FREM1: variants seen among roughly 807,000 people sequenced by gnomAD.
FREM1 encodes FRAS1-related extracellular matrix protein 1.
FREM1 carries 220 observed loss-of-function variants against 210.1 expected under a neutral mutation model. That is an observed-to-expected ratio of 1.05 (90% CI 0.94 to 1.17). FREM1 has a LOEUF of 1.17. Among genes scored for constraint, FREM1 ranks in the 50% most tolerant of loss-of-function variants. FREM1 has a pLI of 0.00. For synonymous variants in FREM1, 1,189 were observed against 980.2 expected (o/e 1.21, Z -3.98); for missense variants, 3,454 against 2,675.5 (o/e 1.29, Z -6.42).
chr9:14,771,630 A>G (rs1847595660), intron 25 of FREM1, among the ~76,000 whole-genome samples: 1 of 152,168 alleles, frequency 6.6e-6, no homozygotes, highest in African/African-American at 2.4e-5. Context: ...ATACTAGAAA[A>G]CATGTACAAG....
intron 20 of FREM1, among the ~76,000 whole-genome samples, chr9:14,800,125 AAGCTTACACACT>A (rs1278006367): frequency 6.6e-6 from 1 of 152,112 alleles, no homozygotes; most frequent in African/African-American, 2.4e-5. Flanking sequence ...TTGGGGCAGA[AAGCTTACACACT>A]AGTTGGGGAA....
chr9:14,784,346 T>G, intron 24 of FREM1, 24 bp downstream of exon 24: 1 of 1,604,158 alleles, frequency 6.2e-7, no homozygotes, highest in Non-Finnish European at 8.5e-7. Flanking sequence ...AAGAAGGGGT[T>G]TGAAAAGTTT....
intron 27 of FREM1, among the ~76,000 whole-genome samples, chr9:14,766,921 G>T (rs992057467): frequency 1.3e-5 from 2 of 152,126 alleles, no homozygotes; most frequent in African/African-American, 4.8e-5. Flanking sequence ...TCCACCAAAT[G>T]TTTCCGGGAT....
At chr9:14,768,125 C>A (rs149977411) in intron 27 of FREM1, among the ~76,000 whole-genome samples, 64 of 152,216 alleles carry the variant, frequency 4.2e-4, no homozygotes, top group African/African-American at 1.5e-3. Flanking sequence ...ATGGGTGAAG[C>A]AGTATCAGCC....
intron 35 of FREM1, among the ~76,000 whole-genome samples, chr9:14,745,334 G>T (rs1422405370): frequency 6.6e-6 from 1 of 152,202 alleles, no homozygotes; most frequent in Non-Finnish European, 1.5e-5. Context: ...TAGTAGGTGT[G>T]AAGTGGTATT....
At chr9:14,748,921 T>C (rs1427600378) in intron 30 of FREM1, among the ~76,000 whole-genome samples, 1 of 152,232 alleles carries the variant, frequency 6.6e-6, no homozygotes, top group African/African-American at 2.4e-5. Context: ...TATCATATCA[T>C]ATACTGGGGG....
At chr9:14,742,018 G>A (rs1032212348) in intron 35 of FREM1, among the ~76,000 whole-genome samples, 2 of 152,108 alleles carry the variant, frequency 1.3e-5, no homozygotes, top group Admixed American at 6.5e-5. Flanking sequence ...AAAATGTTAA[G>A]AGCATAGTTA....
chr9:14,869,647 T>C (rs1167998965), intron 1 of FREM1, among the ~76,000 whole-genome samples: 3 of 152,174 alleles, frequency 2.0e-5, no homozygotes, highest in South Asian at 2.1e-4. Context: ...AGAGAGCTGA[T>C]AGGATTATTA....
intron 7 of FREM1, among the ~76,000 whole-genome samples, chr9:14,846,319 T>C (rs1826606141): frequency 6.6e-6 from 1 of 151,640 alleles, no homozygotes; most frequent in African/African-American, 2.4e-5. Context: ...TGAGAACACA[T>C]GGACACAGGG....
At position 14,812,931 on chromosome 9, in the gene FREM1, T is replaced by A. The variant is rs1211201977; in HGVS notation, c.2774A>T (p.Lys925Met). ...FATDVDSDNL[K>M]LMFVIAREPQ... ...TTCGCGAGCAATCACAAACATCAAC[T>A]TCAAGTTATCGCTGTCCACATCAGT... Residue 925 changes from lysine to methionine, a missense_variant, in exon 16 of 37, where the codon AAG becomes ATG. Physicochemically the swap from Lys to Met is moderately conservative, Grantham distance 95. Coordinates refer to ENST00000380880, the MANE Select transcript of FREM1 (RefSeq NM_001379081.2). The A allele has an allele frequency of 3.1e-6, 5 of 1,613,848 alleles. No individual in the cohort carries two copies. Among genetic ancestry groups the A allele is most frequent in the Non-Finnish European group, 2.5e-6 (3 of 1,179,876 alleles).
intron 23 of FREM1, among the ~76,000 whole-genome samples, chr9:14,787,289 AAAAC>A (rs1850569561): frequency 6.6e-6 from 1 of 151,084 alleles, no homozygotes; most frequent in South Asian, 2.1e-4. Flanking sequence ...AACAAAACAA[AAAAC>A]TGTACAGTGA....
chr9:14,823,936 C>A, intron 12 of FREM1, 89 bp downstream of exon 12: 1 of 640,164 alleles, frequency 1.6e-6, no homozygotes, highest in Non-Finnish European at 2.5e-6. Context: ...TGTCAAAGAC[C>A]AACATTCTCA....
chr9:14,877,939 A>C (rs1336219676), intron 1 of FREM1, among the ~76,000 whole-genome samples: 1 of 152,170 alleles, frequency 6.6e-6, no homozygotes, highest in Non-Finnish European at 1.5e-5. Flanking sequence ...CTTCCTTCAA[A>C]ACATATCCAG....
In FREM1 at chr9:14,767,150, T is replaced by G. The variant is rs948692817; in HGVS notation, c.5204+2574A>C. Among the ~76,000 whole-genome samples, 4 of 152,324 alleles carry G rather than the reference T, an allele frequency of 2.6e-5. No homozygotes were observed. The East Asian group carries it at 7.7e-4, about 29-fold the overall frequency. The stretch of plus-strand genomic sequence containing the variant: ...AAGGGCAGAGCCAAAGCTCAAACCT[T>G]GTCCTCTAGCTCCAAGTTCGGTGGT... On this transcript the variant is annotated intron_variant, in intron 27 of 36. Transcript: ENST00000380880.
At chr9:14,778,238 T>C (rs72709595) in intron 24 of FREM1, among the ~76,000 whole-genome samples, 9 of 152,090 alleles carry the variant, frequency 5.9e-5, no homozygotes, top group Non-Finnish European at 8.8e-5. Flanking sequence ...AATTAAACCT[T>C]TGATAAGTAT....
chr9:14,792,191 A>G (rs1851487132), intron 22 of FREM1, among the ~76,000 whole-genome samples: 1 of 151,952 alleles, frequency 6.6e-6, no homozygotes, highest in Non-Finnish European at 1.5e-5. Context: ...GGACCTGATT[A>G]TCATGAAAAA....
At position 14,770,663 on chromosome 9, in the gene FREM1, C is replaced by G. The variant is rs1489764336; in HGVS notation, c.5001G>C (p.Gln1667His). The change falls in exon 26 of 37, where the codon CAG (glutamine) becomes CAC (histidine). Residue 1667 changes from glutamine to histidine, a missense_variant. Physicochemically the swap from Gln to His is conservative, Grantham distance 24 (BLOSUM62 0). Coordinates refer to ENST00000380880, the MANE Select transcript of FREM1 (RefSeq NM_001379081.2). Reference protein sequence around the residue: ...KASDPDTEDDQIIFKILQGPK... With the variant: ...KASDPDTEDDHIIFKILQGPK... The stretch of plus-strand genomic sequence containing the variant: ...GGCCTTGTAGAATTTTAAAGATGAT[C>G]TGATCGTCCTCAGTGTCAGGGTCTG... The G allele has an allele frequency of 1.2e-6, 2 of 1,613,610 alleles. No individual in the cohort carries two copies. The highest frequency in any genetic ancestry group is 2.2e-5 in the East Asian group (1 of 44,876).
chr9:14,793,046 C>G (rs569160303), intron 21 of FREM1, among the ~76,000 whole-genome samples, 162 bp from the exon 22 acceptor site: 166 of 152,344 alleles, frequency 1.1e-3, no homozygotes, highest in Non-Finnish European at 2.1e-3. Context: ...GAAACAGGCT[C>G]TCTACCCTCA....
intron 1 of FREM1, among the ~76,000 whole-genome samples, chr9:14,900,250 T>G (rs915953388): frequency 5.9e-5 from 9 of 152,206 alleles, no homozygotes; most frequent in African/African-American, 2.2e-4. Context: ...CTGATTTAAT[T>G]TGTCTGAGTG....
Sources: gnomAD v4.1 joint callset for allele counts (sites outside exome capture counted in the v4.1 genomes callset) on GRCh38, gnomAD v4.1.1 for gene constraint, MANE v1.5 for transcripts, NCBI Gene and HGNC (gene_info 2026-07-23, HGNC 2026-07-21) for gene names.